RPS6KC1: variants seen among roughly 807,000 people sequenced by gnomAD.
RPS6KC1 encodes the protein inactive ribosomal protein S6 kinase delta-1.
A neutral mutation model predicts 103.8 loss-of-function variants in RPS6KC1; 54 were observed. The observed-to-expected ratio is 0.52, with a 90% CI of 0.42 to 0.65. The LOEUF (loss-of-function observed/expected upper bound fraction) is 0.65, where lower values mean the gene tolerates loss of function less well. Ranked by LOEUF, RPS6KC1 falls within the 30% of genes least tolerant of loss-of-function variation. RPS6KC1 has a pLI of 0.00. For synonymous variants in RPS6KC1, 439 were observed against 438.7 expected (o/e 1.00, Z -0.01); for missense variants, 1,151 against 1,253.8 (o/e 0.92, Z 1.24).
At chr1:213,739,490 A>C in the RPS6KC1 span, among the ~76,000 whole-genome samples, 2 of 152,144 alleles carry the variant, frequency 1.3e-5, no homozygotes, top group African/African-American at 4.8e-5. Flanking sequence ...AGAAGTGAGA[A>C]CTTATCAAAG....
At chr1:213,750,466 GTTGGGAGGTTA>G in the RPS6KC1 span, among the ~76,000 whole-genome samples, 1 of 152,214 alleles carries the variant, frequency 6.6e-6, no homozygotes, top group Non-Finnish European at 1.5e-5. Flanking sequence ...TGGAAGGGAC[GTTGGGAGGTTA>G]TTGTAAGAGC....
At chr1:213,090,331 A>G (rs2080848277) in intron 3 of RPS6KC1, among the ~76,000 whole-genome samples, 4 of 152,166 alleles carry the variant, frequency 2.6e-5, no homozygotes, top group African/African-American at 9.6e-5. Context: ...ATTCCTTGAC[A>G]AGACCCTAAG....
intron 6 of RPS6KC1, among the ~76,000 whole-genome samples, chr1:213,147,194 T>G (rs2087967899): frequency 1.3e-5 from 2 of 152,098 alleles, no homozygotes; most frequent in South Asian, 4.2e-4. Context: ...GCTTTTTAAC[T>G]TGATGTGATG....
In RPS6KC1 at chr1:213,194,890, A is replaced by G. The variant is rs571684735; in HGVS notation, c.1044+18398A>G. ...GTCTGTGGAAGAGTTGTCTTCCATG[A>G]AACTGGTCCCTGATGCCAAAAAGGT... On this transcript the variant is annotated intron_variant, in intron 8 of 14. Coordinates refer to ENST00000366960, the MANE Select transcript of RPS6KC1 (RefSeq NM_012424.6). 8.7e-4 allele frequency among the ~76,000 whole-genome samples: 133 copies of G among 152,320 alleles called. 1 individual carries two copies. Among genetic ancestry groups the G allele is most frequent in the Non-Finnish European group, 1.5e-3 (103 of 68,024 alleles).
intron 12 of RPS6KC1, among the ~76,000 whole-genome samples, chr1:213,256,903 T>G (rs780271498): frequency 1.3e-5 from 2 of 152,224 alleles, no homozygotes; most frequent in Non-Finnish European, 2.9e-5. Context: ...TTTCTGCTTA[T>G]GTACTTGACT....
At chr1:213,151,244 C>CA in intron 6 of RPS6KC1, among the ~76,000 whole-genome samples, 1 of 115,282 alleles carries the variant, frequency 8.7e-6, no homozygotes, top group Non-Finnish European at 1.8e-5. Context: ...CCCTCCCGGA[C>CA]GGGGCGGCTG....
At chr1:213,591,823 G>A in the RPS6KC1 span, among the ~76,000 whole-genome samples, 4 of 152,182 alleles carry the variant, frequency 2.6e-5, no homozygotes, top group African/African-American at 9.7e-5. Flanking sequence ...AACCTGTGGG[G>A]AACTCCAAAG....
the RPS6KC1 span, among the ~76,000 whole-genome samples, chr1:213,814,962 G>T: frequency 6.6e-6 from 1 of 152,202 alleles, no homozygotes; most frequent in South Asian, 2.1e-4. Flanking sequence ...TATTAACATT[G>T]AGCCATGATA....
At chr1:213,313,432 G>C in the RPS6KC1 span, among the ~76,000 whole-genome samples, 8 of 151,906 alleles carry the variant, frequency 5.3e-5, no homozygotes, top group Non-Finnish European at 1.0e-4. Flanking sequence ...CCATATCTGA[G>C]CACCCCAGGG....
the RPS6KC1 span, among the ~76,000 whole-genome samples, chr1:213,618,934 C>T: frequency 6.6e-6 from 1 of 152,136 alleles, no homozygotes; most frequent in Non-Finnish European, 1.5e-5. Context: ...TGTGAAATCA[C>T]AGAATAATGT....
chr1:213,516,902 A>C, the RPS6KC1 span, among the ~76,000 whole-genome samples: 1 of 152,202 alleles, frequency 6.6e-6, no homozygotes, highest in Non-Finnish European at 1.5e-5. Context: ...CCTTCATTTC[A>C]GAGCCTGTTA....
chr1:213,413,964 C>G, the RPS6KC1 span, among the ~76,000 whole-genome samples: 1 of 152,268 alleles, frequency 6.6e-6, no homozygotes, highest in East Asian at 1.9e-4. Context: ...TGGCTGACTC[C>G]GAGGATAAAA....
intron 3 of RPS6KC1, among the ~76,000 whole-genome samples, chr1:213,097,926 T>C (rs1441213964): frequency 6.6e-6 from 1 of 152,236 alleles, no homozygotes; most frequent in African/African-American, 2.4e-5. Flanking sequence ...AGGGCCTTGC[T>C]CTGGAGTATG....
At chr1:213,410,823 ATT>A in the RPS6KC1 span, among the ~76,000 whole-genome samples, 10 of 150,612 alleles carry the variant, frequency 6.6e-5, no homozygotes, top group East Asian at 3.9e-4. Flanking sequence ...AGTGCCAGTG[ATT>A]TTTTTTTTTA....
chr1:213,357,738 A>G, the RPS6KC1 span, among the ~76,000 whole-genome samples: 1 of 152,180 alleles, frequency 6.6e-6, no homozygotes, highest in Non-Finnish European at 1.5e-5. Flanking sequence ...CAGCATTCAG[A>G]TGGGCCAAAC....
intron 14 of RPS6KC1, among the ~76,000 whole-genome samples, chr1:213,264,627 A>G (rs887842391): frequency 6.6e-6 from 1 of 152,182 alleles, no homozygotes; most frequent in Admixed American, 6.5e-5. Context: ...GTAAATCAGC[A>G]TTGTGTCATT....
At chr1:213,633,023 A>C in the RPS6KC1 span, among the ~76,000 whole-genome samples, 1 of 152,116 alleles carries the variant, frequency 6.6e-6, no homozygotes, top group Non-Finnish European at 1.5e-5. Context: ...AAACGAACAA[A>C]GCCTCCAAGA....
chr1:213,822,040 T>C, the RPS6KC1 span: 157 of 152,346 alleles, frequency 1.0e-3, no homozygotes, highest in African/African-American at 3.7e-3. Flanking sequence ...ACTGAAGAAC[T>C]GCTGGTTTCA....
At chr1:213,354,354 A>T in the RPS6KC1 span, among the ~76,000 whole-genome samples, 4 of 152,176 alleles carry the variant, frequency 2.6e-5, no homozygotes, top group African/African-American at 7.2e-5. Flanking sequence ...GAGCTCAGGA[A>T]TTAGAACCCT....
Sources: gnomAD v4.1 joint callset for allele counts (sites outside exome capture counted in the v4.1 genomes callset) on GRCh38, gnomAD v4.1.1 for gene constraint, MANE v1.5 for transcripts, NCBI Gene and HGNC (gene_info 2026-07-23, HGNC 2026-07-21) for gene names.